The following MTCH1 variants were observed in gnomAD, a reference collection of about 807,000 sequenced individuals.
MTCH1 encodes the protein mitochondrial carrier homolog 1.
A neutral mutation model predicts 49.3 loss-of-function variants in MTCH1; 23 were observed. The ratio of observed to expected loss-of-function variants is 0.47; its 90% CI spans 0.34 to 0.66. MTCH1 has a LOEUF of 0.66. Ranked by LOEUF, MTCH1 falls within the 30% of genes least tolerant of loss-of-function variation. The pLI, the probability that MTCH1 is intolerant of heterozygous loss-of-function variation, is 0.01. For synonymous variants in MTCH1, 229 were observed against 215.2 expected (o/e 1.06, Z -0.56); for missense variants, 397 against 532.1 (o/e 0.75, Z 2.50).
At position 36,986,089 on chromosome 6, in the gene MTCH1, GAGCTCCGGCTCC is replaced by G. The variant is rs1255536528; in HGVS notation, c.73_84del (p.Gly25_Ala28del). The G allele has an allele frequency of 8.4e-6, 12 of 1,433,258 alleles. No individual in the cohort carries two copies. The highest frequency in any genetic ancestry group is 3.0e-5 in the East Asian group (1 of 33,052). The allele number at this position is 1,433,258 out of a possible 1,614,324, so 88.8% of individuals were successfully genotyped here. On this transcript the variant is annotated inframe_deletion, in exon 1 of 12. Coordinates refer to ENST00000373627, the MANE Select transcript of MTCH1 (RefSeq NM_001271641.2). ...TCGACCCCCGCCGCCGCTCCGCCGC[GAGCTCCGGCTCC>G]AGCTCCGGCTCCCGCCATCCCCGCG... is the stretch of plus-strand genomic sequence containing the variant.
In MTCH1 at chr6:36,968,744, C is replaced by G; in HGVS notation, c.*159G>C. 5.0e-6 allele frequency: 6 copies of G among 1,201,106 alleles called. No individual in the cohort carries two copies. The highest frequency in any genetic ancestry group is 7.2e-6 in the Non-Finnish European group (6 of 833,942). The allele number at this position is 1,201,106 out of a possible 1,614,324, so 74.4% of individuals were successfully genotyped here. ...GTGCAGCCCCACCCCCGCTCAACCC[C>G]ACATCTGGACAGACACATGGCAAAT... is the stretch of plus-strand genomic sequence containing the variant. On this transcript the variant is annotated 3_prime_UTR_variant, in exon 12 of 12. Transcript: ENST00000373627.
intron 1 of MTCH1, among the ~76,000 whole-genome samples, 178 bp from the exon 2 acceptor site, chr6:36,981,850 T>C (rs1006758380): frequency 2.6e-5 from 4 of 152,166 alleles, no homozygotes; most frequent in Non-Finnish European, 2.9e-5. Flanking sequence ...TCTCTAACCA[T>C]TGGCAGCACG....
Position 36,986,021 on chromosome 6 carries a change from A to G in MTCH1, c.153T>C (p.Pro51=). ...RDPPPAHRAH[P]RHPRPAAQPS... ...GCTGAGCCGCAGGCCGAGGGTGGCGAGGATGTGCGCGGTGCGCGGGCGGTG... is the reference window on the plus strand; with the variant it reads ...GCTGAGCCGCAGGCCGAGGGTGGCGGGGATGTGCGCGGTGCGCGGGCGGTG... Residue 51 remains proline (P), a synonymous_variant, in exon 1 of 12, where the codon CCT becomes CCC. Coordinates refer to ENST00000373627, the MANE Select transcript of MTCH1 (RefSeq NM_001271641.2). 1 of 1,523,060 alleles carries G rather than the reference A, an allele frequency of 6.6e-7. No individual in the cohort carries two copies. Among genetic ancestry groups the G allele is most frequent in the Non-Finnish European group, 8.8e-7 (1 of 1,138,496 alleles). The allele number at this position is 1,523,060 out of a possible 1,614,324, so 94.3% of individuals were successfully genotyped here. A position where few individuals can be genotyped will look rare whatever the true frequency, so the allele number is the denominator to read the frequency against.
intron 6 of MTCH1, chr6:36,976,740 A>G (rs1763892976): frequency 1.1e-5 from 4 of 375,816 alleles, no homozygotes; most frequent in Admixed American, 9.9e-5. Context: ...CACGCAGCAG[A>G]TCTAGGTGAG....
At chr6:36,978,031 C>A in intron 4 of MTCH1, 47 bp downstream of exon 4, 1 of 1,515,648 alleles carries the variant, frequency 6.6e-7, no homozygotes, top group South Asian at 1.1e-5. Context: ...GAGAAATCAT[C>A]AGGCTCCCCT....
rs182299102 is a variant in MTCH1, at chr6:36,970,167, C to T, written c.1023-53G>A. 2.0e-5 allele frequency: 32 copies of T among 1,583,926 alleles called. No individual in the cohort carries two copies. The East Asian group carries it at 3.4e-4, about 17-fold the overall frequency. On this transcript the variant is annotated intron_variant, in intron 10 of 11. Transcript: ENST00000373627. ...GAGAACAGTGGAAGACAGCCAGCCA[C>T]GGGAAAGCCACTTCAAGAAGGAATG...
intron 2 of MTCH1, among the ~76,000 whole-genome samples, chr6:36,979,973 T>C (rs73422781): frequency 0.063 from 9,516 of 152,236 alleles, 983 homozygotes; most frequent in African/African-American, 0.21. Context: ...TGGGTCTTTC[T>C]GCAGTGCCAG....
chr6:36,974,803 A>G (rs1005615988), intron 7 of MTCH1, among the ~76,000 whole-genome samples: 7 of 152,206 alleles, frequency 4.6e-5, no homozygotes, highest in Non-Finnish European at 1.0e-4. Flanking sequence ...ACCATGATAT[A>G]AAGACTTCTT....
intron 6 of MTCH1, among the ~76,000 whole-genome samples, chr6:36,976,805 T>C: frequency 6.6e-6 from 1 of 152,152 alleles, no homozygotes; most frequent in East Asian, 1.9e-4. Context: ...GGATGGCTTC[T>C]TCATAGGGGA....
At chr6:36,969,027 CCCT>C in intron 11 of MTCH1, 53 bp from the exon 12 acceptor site, 1 of 1,599,782 alleles carries the variant, frequency 6.3e-7, no homozygotes. Context: ...GCTTCCTTGT[CCCT>C]CCGAGAGGAA....
chr6:36,970,656 G>A lies in MTCH1; in HGVS notation c.945C>T (p.Phe315=), dbSNP rs2293381. Residue 315 remains phenylalanine, a synonymous_variant, in exon 9 of 12, where the codon TTC becomes TTT. Coordinates refer to ENST00000373627, the MANE Select transcript of MTCH1 (RefSeq NM_001271641.2). Reference sequence around the variant, plus strand: ...AGCTGGCACAACTTACCCCCATCACGAACTTGGTATAGCTCCGGATGGCCA... The same window carrying A: ...AGCTGGCACAACTTACCCCCATCACAAACTTGGTATAGCTCCGGATGGCCA... ...QALAIRSYTK[F]VMGIAVSMLT... is the part of the protein sequence containing the mutation. 48,868 of 1,614,140 alleles carry A rather than the reference G, an allele frequency of 0.03. 1,819 individuals are homozygous for A. The highest frequency in any genetic ancestry group is 0.16 in the East Asian group (7,330 of 44,874).
In MTCH1 at chr6:36,986,142, C is replaced by T; in HGVS notation, c.32G>A (p.Trp11Ter). 1.7e-5 allele frequency: 25 copies of T among 1,434,804 alleles called. No individual in the cohort carries two copies. The highest frequency in any genetic ancestry group is 2.3e-5 in the Non-Finnish European group (25 of 1,102,600). 88.9% of individuals were successfully genotyped at this position (1,434,804 alleles called of 1,614,324 possible). The change falls in exon 1 of 12, where the codon TGG becomes TAG. Residue 11 changes from tryptophan to a stop codon, truncating the protein, a stop_gained. Coordinates refer to ENST00000373627, the MANE Select transcript of MTCH1 (RefSeq NM_001271641.2). LOFTEE classifies it high-confidence loss of function. Reference sequence around the variant, plus strand: ...CATCCCCGCGGCACCGCCGCGAGCCCAGGGCGCCACTTCCGGGTCCGAAGC... The same window carrying T: ...CATCCCCGCGGCACCGCCGCGAGCCTAGGGCGCCACTTCCGGGTCCGAAGC... MGASDPEVAP[W>*]ARGGAAGMAG...
In MTCH1 at chr6:36,972,694, G is replaced by A. The variant is rs1303977691; in HGVS notation, c.864C>T (p.Asp288=). ...GGTCGTTTCCCAGCCCCCCTGGGGT[G>A]TCACTCACGCTGTCATCCACCAGGT... ...NAYLVDDSVS[D]TPGGLGNDQN... The change falls in exon 8 of 12, where the codon GAC becomes GAT. Residue 288 remains aspartate, a synonymous_variant. Transcript: ENST00000373627. This position sits in a 1 kb window ranked among gnomAD's most constrained non-coding sequence, Gnocchi z 4.1. 1 of 1,551,832 alleles carries A rather than the reference G, an allele frequency of 6.4e-7. No homozygotes were observed. Among genetic ancestry groups the A allele is most frequent in the Non-Finnish European group, 8.7e-7 (1 of 1,147,002 alleles).
Position 36,986,096 on chromosome 6 carries a change from G to T in MTCH1, c.78C>A (p.Ala26=). 1.4e-6 allele frequency: 2 copies of T among 1,437,210 alleles called. No individual in the cohort carries two copies. Among genetic ancestry groups the T allele is most frequent in the Non-Finnish European group, 1.8e-6 (2 of 1,106,670 alleles). The allele number at this position is 1,437,210 out of a possible 1,614,324, so 89.0% of individuals were successfully genotyped here. Residue 26 remains alanine, a synonymous_variant, in exon 1 of 12, where the codon GCC becomes GCA. Coordinates refer to ENST00000373627, the MANE Select transcript of MTCH1 (RefSeq NM_001271641.2). ...CCGCCGCCGCTCCGCCGCGAGCTCC[G>T]GCTCCAGCTCCGGCTCCCGCCATCC... The part of the protein sequence containing the change: ...AAGMAGAGAG[A]GARGGAAAGV...
Position 36,977,711 on chromosome 6 carries a change from G to A in MTCH1, c.592-20C>T, listed in dbSNP as rs377578929. On this transcript the variant is annotated intron_variant, in intron 4 of 11. Transcript: ENST00000373627. This position sits in a 1 kb window ranked among gnomAD's most constrained non-coding sequence, Gnocchi z 5.4. ...GGAGGTCTGGAAGAGAGCATGGGGT[G>A]GGGACTCGCCACCCTCGGCCTGTCT... The A allele has an allele frequency of 3.7e-5, 59 of 1,598,722 alleles. 1 individual carries two copies. The African/African-American group carries it at 6.7e-4, about 18-fold the overall frequency.
At position 36,982,967 on chromosome 6, in the gene MTCH1, A is replaced by C. The variant is rs1238994393; in HGVS notation, c.322-1295T>G. On this transcript the variant is annotated intron_variant, in intron 1 of 11. Coordinates refer to ENST00000373627, the MANE Select transcript of MTCH1 (RefSeq NM_001271641.2). This position sits in a 1 kb window ranked among gnomAD's most constrained non-coding sequence, Gnocchi z 4.1. ...TTGGCCTGCAGCTGTGGGAGGCAGTAGAAGTGGCAAGTTAGAAAGCGCTAC... is the reference window on the plus strand; with the variant it reads ...TTGGCCTGCAGCTGTGGGAGGCAGTCGAAGTGGCAAGTTAGAAAGCGCTAC... Among the ~76,000 whole-genome samples the C allele has an allele frequency of 6.6e-6, 1 of 152,256 alleles. No individual in the cohort carries two copies. The highest frequency in any genetic ancestry group is 2.4e-5 in the African/African-American group (1 of 41,476).
At position 36,985,651 on chromosome 6, in the gene MTCH1, T is replaced by A. The variant is rs114527620; in HGVS notation, c.321+202A>T. On this transcript the variant is annotated intron_variant, in intron 1 of 11. Transcript: ENST00000373627. ...TACTCTAACCCCTTGGTCTCCTTTC[T>A]GTATCCTAAAACCCGTGACCCCTGC... 4.5e-3 allele frequency among the ~76,000 whole-genome samples: 691 copies of A among 152,160 alleles called. 11 individuals are homozygous for A. Among genetic ancestry groups the A allele is most frequent in the African/African-American group, 0.016 (651 of 41,492 alleles).
At chr6:36,985,637 C>T (rs1764274383) in intron 1 of MTCH1, among the ~76,000 whole-genome samples, 1 of 152,108 alleles carries the variant, frequency 6.6e-6, no homozygotes, top group Non-Finnish European at 1.5e-5. Context: ...ACTCTAACCC[C>T]TTGGTCTCCT....
intron 11 of MTCH1, 22 bp downstream of exon 11, chr6:36,970,017 C>G: frequency 6.2e-7 from 1 of 1,613,484 alleles, no homozygotes; most frequent in Non-Finnish European, 8.5e-7. Flanking sequence ...GGAAAGGCCT[C>G]CGCCGTCCAG....
Sources: gnomAD v4.1 joint callset for allele counts (sites outside exome capture counted in the v4.1 genomes callset) on GRCh38, gnomAD v4.1.1 for gene constraint, Gnocchi (gnomAD v3.1) non-coding constraint, MANE v1.5 for transcripts, NCBI Gene and HGNC (gene_info 2026-07-23, HGNC 2026-07-21) for gene names.